Variants in PDE4D observed in about 807,000 individuals in gnomAD.
The protein encoded by PDE4D is phosphodiesterase 4D, also known as 3',5'-cyclic-AMP phosphodiesterase 4D.
Under a neutral mutation model 87.4 loss-of-function variants are expected in PDE4D, and 24 were observed. The observed-to-expected ratio is 0.27, with a 90% confidence interval of 0.20 to 0.39. The LOEUF (loss-of-function observed/expected upper bound fraction) is 0.39. Among genes scored for constraint, PDE4D ranks in the 10% least tolerant of loss-of-function variants. The pLI is 1.00. For missense variants in PDE4D, 714 were observed against 1,041.0 expected (o/e 0.69, Z 4.32); for synonymous variants, 384 against 383.2 (o/e 1.00, Z -0.02).
At chr5:60,322,359 GAC>G (rs1215655090) in intron 1 of PDE4D, among the ~76,000 whole-genome samples, 3 of 90,272 alleles carry the variant, frequency 3.3e-5, no homozygotes, top group Admixed American at 1.3e-4. Context: ...AATATATATG[GAC>G]ACACATACAC....
intron 3 of PDE4D, among the ~76,000 whole-genome samples, chr5:59,970,955 C>G (rs1487252935): frequency 6.6e-6 from 1 of 150,630 alleles, no homozygotes; most frequent in Non-Finnish European, 1.5e-5. Context: ...TTGGAACCAA[C>G]CCAAATGTCC....
At chr5:60,034,323 G>A (rs1016896663) in intron 2 of PDE4D, among the ~76,000 whole-genome samples, 1 of 152,148 alleles carries the variant, frequency 6.6e-6, no homozygotes, top group Non-Finnish European at 1.5e-5. Flanking sequence ...TAGTCTTACA[G>A]AGCTAAGCTA....
intron 5 of PDE4D, among the ~76,000 whole-genome samples, chr5:59,148,223 T>C (rs1778954045): frequency 6.6e-6 from 1 of 152,230 alleles, no homozygotes; most frequent in Non-Finnish European, 1.5e-5. Flanking sequence ...CCTGGTTCTA[T>C]ACTGTATAGG....
intron 1 of PDE4D, among the ~76,000 whole-genome samples, chr5:59,422,110 T>C (rs1242610912): frequency 6.6e-6 from 1 of 152,154 alleles, no homozygotes; most frequent in Admixed American, 6.5e-5. Context: ...AGTCTGAGCG[T>C]TTGGAGAATA....
chr5:59,847,342 A>T (rs901581922), intron 1 of PDE4D, among the ~76,000 whole-genome samples: 2 of 152,020 alleles, frequency 1.3e-5, no homozygotes, highest in Non-Finnish European at 2.9e-5. Flanking sequence ...CAATATTTTA[A>T]AATGCTATAA....
Position 59,893,387 on chromosome 5 carries a change from GGC to G in PDE4D, c.234_235del (p.Leu81AlafsTer73). On this transcript the variant is annotated frameshift_variant, in exon 1 of 15. Transcript: ENST00000340635. LOFTEE classifies it high-confidence loss of function. ...CGGCGGCGGGGGCGGCGGCAGGGGG[GGC>G]GGCGGCGGCGGCTGTAGCGGACACT... 8.3e-7 allele frequency: 1 copy of G among 1,210,368 alleles called. No homozygotes were observed. The highest frequency in any genetic ancestry group is 1.6e-5 in the African/African-American group (1 of 63,204). 75.0% of individuals were successfully genotyped at this position (1,210,368 alleles called of 1,614,324 possible). A position where few individuals can be genotyped will look rare whatever the true frequency, so the allele number is the denominator to read the frequency against.
intron 1 of PDE4D, among the ~76,000 whole-genome samples, chr5:59,706,431 A>C (rs765416720): frequency 6.6e-6 from 1 of 152,154 alleles, no homozygotes; most frequent in Non-Finnish European, 1.5e-5. Context: ...CAACACTGGG[A>C]ATTTGGGTAA....
intron 1 of PDE4D, among the ~76,000 whole-genome samples, chr5:59,771,062 G>A (rs1357600834): frequency 6.6e-6 from 1 of 151,904 alleles, no homozygotes; most frequent in Admixed American, 6.6e-5. Context: ...AGCCTGGGAG[G>A]TTGAGGCAGC....
chr5:60,312,750 A>G (rs893813763), intron 1 of PDE4D, among the ~76,000 whole-genome samples: 1 of 152,078 alleles, frequency 6.6e-6, no homozygotes, highest in Non-Finnish European at 1.5e-5. Flanking sequence ...GAGCCAAACC[A>G]TTTCATCAGT....
At chr5:59,931,487 C>T (rs998504223) in intron 3 of PDE4D, among the ~76,000 whole-genome samples, 1 of 152,048 alleles carries the variant, frequency 6.6e-6, no homozygotes, top group African/African-American at 2.4e-5. Flanking sequence ...TGGGGACCCT[C>T]CACAGAGTCC....
intron 1 of PDE4D, among the ~76,000 whole-genome samples, chr5:59,400,562 A>G (rs941739678): frequency 3.2e-5 from 4 of 126,284 alleles, no homozygotes; most frequent in African/African-American, 1.2e-4. Flanking sequence ...GAAGGGGAAC[A>G]TCACACTCTG....
chr5:58,995,446 A>G (rs1267085155), intron 6 of PDE4D, among the ~76,000 whole-genome samples: 1 of 152,206 alleles, frequency 6.6e-6, no homozygotes, highest in Non-Finnish European at 1.5e-5. Context: ...CCTTCTAAGA[A>G]TATTTGTAGA....
intron 1 of PDE4D, among the ~76,000 whole-genome samples, chr5:59,514,543 G>A (rs1333537625): frequency 1.3e-5 from 2 of 152,008 alleles, no homozygotes; most frequent in African/African-American, 4.8e-5. Context: ...ACCTCACTAG[G>A]ATCTAAATCT....
intron 1 of PDE4D, among the ~76,000 whole-genome samples, chr5:60,397,500 T>A (rs979014935): frequency 1.3e-5 from 2 of 152,172 alleles, no homozygotes; most frequent in African/African-American, 4.8e-5. Context: ...CATTACTGAA[T>A]CTGGAGGACA....
At chr5:60,237,667 T>C (rs1238192611) in intron 1 of PDE4D, among the ~76,000 whole-genome samples, 2 of 151,994 alleles carry the variant, frequency 1.3e-5, no homozygotes, top group Admixed American at 1.3e-4. Flanking sequence ...AGGGAGATCA[T>C]TGTAGTGATT....
At chr5:59,778,125 G>T (rs1764260075) in intron 1 of PDE4D, among the ~76,000 whole-genome samples, 1 of 152,134 alleles carries the variant, frequency 6.6e-6, no homozygotes, top group African/African-American at 2.4e-5. Flanking sequence ...CATGGTCTTT[G>T]TGTATCTGGG....
chr5:59,560,826 A>C (rs1819850119), intron 1 of PDE4D: 1 of 152,252 alleles, frequency 6.6e-6, no homozygotes, highest in South Asian at 2.1e-4. Context: ...CAGAGAGAGG[A>C]TACTAGTGAG....
rs533368485 is a variant in PDE4D, at chr5:59,289,180, GA to G, written c.456-73213del. On this transcript the variant is annotated intron_variant, in intron 1 of 14. Transcript: ENST00000340635. ...AATACAATAAGATATAAAGACAACAGAAAGTTTTAAAGCGGGGGACAAAGTT... is the reference window on the plus strand; with the variant it reads ...AATACAATAAGATATAAAGACAACAGAAGTTTTAAAGCGGGGGACAAAGTT... 6.9e-3 allele frequency among the ~76,000 whole-genome samples: 1,052 copies of G among 152,054 alleles called. 11 individuals carry two copies. Among genetic ancestry groups the G allele is most frequent in the Non-Finnish European group, 9.1e-3 (618 of 67,906 alleles).
At chr5:59,100,230 AC>A (rs1357494919) in intron 5 of PDE4D, among the ~76,000 whole-genome samples, 2 of 152,220 alleles carry the variant, frequency 1.3e-5, no homozygotes, top group Non-Finnish European at 2.9e-5. Context: ...CTGTCTATAA[AC>A]TTTTTAATAA....
Sources: allele counts gnomAD v4.1 joint callset (sites outside exome capture counted in the v4.1 genomes callset), GRCh38; gene constraint gnomAD v4.1.1; transcripts MANE v1.5; gene names NCBI Gene and HGNC (gene_info 2026-07-23, HGNC 2026-07-21).